THRAP3: variants seen among roughly 807,000 people sequenced by gnomAD.
THRAP3 encodes thyroid hormone receptor-associated protein 3.
A neutral mutation model predicts 101.0 loss-of-function variants in THRAP3; 16 were observed. That is an observed-to-expected ratio of 0.16 (90% CI 0.11 to 0.24). The LOEUF (loss-of-function observed/expected upper bound fraction) is 0.24, where lower values mean the gene tolerates loss of function less well. Ranked by LOEUF, THRAP3 falls within the 10% of genes least tolerant of loss-of-function variation. The pLI is 1.00. For synonymous variants in THRAP3, 407 were observed against 422.6 expected (o/e 0.96, Z 0.45); for missense variants, 989 against 1,202.7 (o/e 0.82, Z 2.63).
chr1:36,286,444 G>C lies in THRAP3; in HGVS notation c.214G>C (p.Asp72His). 5 of 1,614,118 alleles carry C rather than the reference G, an allele frequency of 3.1e-6. No individual in the cohort carries two copies. Among genetic ancestry groups the C allele is most frequent in the Non-Finnish European group, 4.2e-6 (5 of 1,180,020 alleles). The change falls in exon 4 of 12, where the codon GAT becomes CAT. Residue 72 changes from aspartate (D) to histidine (H), a missense_variant. Physicochemically the swap from Asp to His is moderately conservative, Grantham distance 81. Coordinates refer to ENST00000354618, the MANE Select transcript of THRAP3 (RefSeq NM_005119.4). The surrounding 1 kb of genome is among the most constrained non-coding windows in gnomAD (Gnocchi z 5.5). ...CCACCCAAGAGTATATCAGAATCGG[G>C]ATTTCCGAGGTCACAACAGAGGCTA... ...RNHPRVYQNRDFRGHNRGYRR... is the reference protein window; with the variant it reads ...RNHPRVYQNRHFRGHNRGYRR...
At position 36,257,450 on chromosome 1, in the gene THRAP3, C is replaced by G. The variant is rs114036381; in HGVS notation, c.-134-1932C>G. 9.6e-3 allele frequency among the ~76,000 whole-genome samples: 1,462 copies of G among 152,262 alleles called. 16 individuals are homozygous for G. Among genetic ancestry groups the G allele is most frequent in the African/African-American group, 0.034 (1,402 of 41,556 alleles). Reference sequence around the variant, plus strand: ...AGTAATGTGTAGAAGGGAAGAGGGTCTATTGTGGAGTCTCCTTGCTAATAC... The same window carrying G: ...AGTAATGTGTAGAAGGGAAGAGGGTGTATTGTGGAGTCTCCTTGCTAATAC... On this transcript the variant is annotated intron_variant, in intron 1 of 11. Coordinates refer to ENST00000354618, the MANE Select transcript of THRAP3 (RefSeq NM_005119.4).
intron 3 of THRAP3, among the ~76,000 whole-genome samples, chr1:36,283,628 CA>C (rs1557445282): frequency 2.8e-4 from 23 of 82,484 alleles, no homozygotes; most frequent in South Asian, 4.4e-4. Context: ...CTGTTTATTT[CA>C]GATGAGTATC....
At chr1:36,234,609 GGTTT>G (rs1161414218) in intron 1 of THRAP3, among the ~76,000 whole-genome samples, 1 of 151,986 alleles carries the variant, frequency 6.6e-6, no homozygotes, top group Non-Finnish European at 1.5e-5. Flanking sequence ...GCACTTCTTG[GGTTT>G]GTTTATTATG....
At chr1:36,229,848 C>T (rs1236681384) in intron 1 of THRAP3, among the ~76,000 whole-genome samples, 1 of 150,914 alleles carries the variant, frequency 6.6e-6, no homozygotes, top group Admixed American at 6.6e-5. Flanking sequence ...GTTGAGGTTT[C>T]TCCATGTTGG....
chr1:36,246,387 C>A (rs1028152737), intron 1 of THRAP3, among the ~76,000 whole-genome samples: 1 of 152,162 alleles, frequency 6.6e-6, no homozygotes, highest in Non-Finnish European at 1.5e-5. Flanking sequence ...TGCACACCAC[C>A]ATGCCAAGCT....
chr1:36,286,450 C>T lies in THRAP3; in HGVS notation c.220C>T (p.Arg74Ter), dbSNP rs1645796312. 1 of 1,614,088 alleles carries T rather than the reference C, an allele frequency of 6.2e-7. No homozygotes were observed. Among genetic ancestry groups the T allele is most frequent in the South Asian group, 1.1e-5 (1 of 91,074 alleles). Residue 74 changes from arginine (R) to a stop codon, truncating the protein, a stop_gained, in exon 4 of 12, where the codon CGA becomes TGA. Coordinates refer to ENST00000354618, the MANE Select transcript of THRAP3 (RefSeq NM_005119.4). LOFTEE classifies it high-confidence loss of function. This position sits in a 1 kb window ranked among gnomAD's most constrained non-coding sequence, Gnocchi z 5.5. Reference protein sequence around the residue: ...HPRVYQNRDFRGHNRGYRRPY... With the variant: ...HPRVYQNRDF ...AAGAGTATATCAGAATCGGGATTTCCGAGGTCACAACAGAGGCTATAGAAG... is the reference window on the plus strand; with the variant it reads ...AAGAGTATATCAGAATCGGGATTTCTGAGGTCACAACAGAGGCTATAGAAG...
At chr1:36,284,875 C>G (rs1234096959) in intron 3 of THRAP3, among the ~76,000 whole-genome samples, 2 of 152,200 alleles carry the variant, frequency 1.3e-5, no homozygotes, top group Non-Finnish European at 2.9e-5. Context: ...GCATCTGCCT[C>G]TCCCTTCTTT....
intron 8 of THRAP3, among the ~76,000 whole-genome samples, chr1:36,295,574 T>TTCCTTCCTTCCTTCCC (rs1379079382): frequency 6.8e-6 from 1 of 146,088 alleles, no homozygotes; most frequent in Non-Finnish European, 1.5e-5. Flanking sequence ...CCTTCCTTCC[T>TTCCTTCCTTCCTTCCC]TCCCTCCTCC....
chr1:36,296,545 A>G, intron 8 of THRAP3, 38 bp from the exon 9 acceptor site: 8 of 1,492,060 alleles, frequency 5.4e-6, no homozygotes, highest in Non-Finnish European at 7.1e-6. Context: ...GACAGCTCTG[A>G]ATCCCAGAAA....
the THRAP3 span, among the ~76,000 whole-genome samples, chr1:36,215,753 C>CTT: frequency 1.0e-4 from 15 of 145,026 alleles, no homozygotes; most frequent in African/African-American, 2.8e-4. Context: ...AGAATATTTT[C>CTT]TTTTTTTTTT....
intron 1 of THRAP3, among the ~76,000 whole-genome samples, chr1:36,227,961 C>T (rs1570216506): frequency 1.3e-5 from 2 of 151,132 alleles, no homozygotes; most frequent in South Asian, 2.1e-4. Flanking sequence ...CTGCATCCAC[C>T]GCCTCCTGGG....
chr1:36,238,638 A>C (rs1214133777), intron 1 of THRAP3, among the ~76,000 whole-genome samples: 1 of 152,162 alleles, frequency 6.6e-6, no homozygotes, highest in African/African-American at 2.4e-5. Flanking sequence ...GAATGTAGCT[A>C]AAATGGACTT....
chr1:36,278,934 A>C (rs537293479), intron 2 of THRAP3, among the ~76,000 whole-genome samples: 1 of 151,874 alleles, frequency 6.6e-6, no homozygotes, highest in East Asian at 1.9e-4. Context: ...AAAAAAAAAT[A>C]AATAAATAAA....
chr1:36,255,091 T>G (rs1645356024), intron 1 of THRAP3, among the ~76,000 whole-genome samples: 1 of 152,216 alleles, frequency 6.6e-6, no homozygotes, highest in Non-Finnish European at 1.5e-5. Flanking sequence ...TTAGTATTTT[T>G]TTTTTACAGT....
At chr1:36,293,816 T>C in intron 7 of THRAP3, 35 bp from the exon 8 acceptor site, 1 of 1,551,532 alleles carries the variant, frequency 6.4e-7, no homozygotes, top group Non-Finnish European at 8.9e-7. Context: ...ATTCACACAA[T>C]GGAATACTAT....
intron 1 of THRAP3, among the ~76,000 whole-genome samples, chr1:36,233,147 C>T (rs1029464556): frequency 3.3e-5 from 5 of 149,426 alleles, no homozygotes; most frequent in Admixed American, 6.7e-5. Flanking sequence ...GGATTACAGG[C>T]GTGAGCCACT....
At chr1:36,251,192 G>A (rs1645296488) in intron 1 of THRAP3, among the ~76,000 whole-genome samples, 1 of 152,158 alleles carries the variant, frequency 6.6e-6, no homozygotes, top group Admixed American at 6.6e-5. Flanking sequence ...ATGACCACTG[G>A]TTTTCAAGGA....
intron 2 of THRAP3, among the ~76,000 whole-genome samples, chr1:36,277,458 C>A (rs1645675569): frequency 6.6e-6 from 1 of 151,732 alleles, no homozygotes; most frequent in Non-Finnish European, 1.5e-5. Context: ...CTTCAGTCTC[C>A]CAACGTGCTG....
intron 1 of THRAP3, among the ~76,000 whole-genome samples, chr1:36,229,074 CTT>C (rs1002095079): frequency 3.9e-5 from 6 of 152,194 alleles, no homozygotes; most frequent in African/African-American, 1.4e-4. Flanking sequence ...AAAAGATTGA[CTT>C]TATTAATTTT....
Sources: gnomAD v4.1 joint callset for allele counts (sites outside exome capture counted in the v4.1 genomes callset) on GRCh38, gnomAD v4.1.1 for gene constraint, Gnocchi (gnomAD v3.1) non-coding constraint, MANE v1.5 for transcripts, NCBI Gene and HGNC (gene_info 2026-07-23, HGNC 2026-07-21) for gene names.